SHC2: variants seen among roughly 807,000 people sequenced by gnomAD.
The protein encoded by SHC2 is SHC-transforming protein 2.
SHC2 carries 62 observed loss-of-function variants against 60.6 expected under a neutral mutation model. The ratio of observed to expected loss-of-function variants is 1.02; its 90% confidence interval spans 0.83 to 1.26. The LOEUF (loss-of-function observed/expected upper bound fraction) is 1.26, where lower values mean the gene tolerates loss of function less well. SHC2 is among the 50% of genes most tolerant of loss of function. The probability of loss-of-function intolerance (pLI) is 0.00; values close to 1 mark genes in which losing one functional copy is unlikely to be tolerated. For synonymous variants in SHC2, 375 were observed against 372.4 expected (o/e 1.01, Z -0.08); for missense variants, 873 against 822.2 (o/e 1.06, Z -0.76).
chr19:418,910 G>A lies in SHC2; in HGVS notation c.*5+13C>T, dbSNP rs144604509. 9.6e-4 allele frequency: 1,507 copies of A among 1,577,368 alleles called. 13 individuals are homozygous for A. The African/African-American group carries it at 0.018, about 18-fold the overall frequency. On this transcript the variant is annotated intron_variant, in intron 12 of 12. Transcript: ENST00000264554. ...GGAGGCAAGGCCAGCGACCCACGGCGGCAGCCACACACCTGGCTCAGGGCT... is the reference window on the plus strand; with the variant it reads ...GGAGGCAAGGCCAGCGACCCACGGCAGCAGCCACACACCTGGCTCAGGGCT...
At chr19:457,996 CGGGGAGGCAGAAGAGGGTCTT>C (rs1568300273) in intron 1 of SHC2, among the ~76,000 whole-genome samples, 1 of 144,954 alleles carries the variant, frequency 6.9e-6, no homozygotes, top group Non-Finnish European at 1.5e-5. Context: ...AAGCCGGTCC[CGGGGAGGCAGAAGAGGGTCTT>C]GGGGAGGCGG....
intron 11 of SHC2, chr19:419,379 A>C: frequency 1.1e-5 from 3 of 278,142 alleles, no homozygotes; most frequent in Non-Finnish European, 1.4e-5. Flanking sequence ...TTGGTAGATA[A>C]ACAGGTCAAG....
rs2145689216 is a variant in SHC2 at position 422,316 on chromosome 19, G to A, written c.1450C>T (p.Gln484Ter). The change falls in exon 11 of 13, where the codon CAG (glutamine) becomes TAG (stop). Residue 484 changes from glutamine to a stop codon, truncating the protein, a stop_gained. Coordinates refer to ENST00000264554, the MANE Select transcript of SHC2 (RefSeq NM_012435.3). LOFTEE classifies it high-confidence loss of function. The surrounding 1 kb of genome is among the most constrained non-coding windows in gnomAD (Gnocchi z 5.0). ...PVAPTEEQLR[Q>*]EPWYHGRMSR... ...ATCCGGCCGTGGTACCAGGGCTCCT[G>A]ACGCAGCTGTTCCTCCGTGGGGGCC... 6.2e-7 allele frequency: 1 copy of A among 1,611,386 alleles called. No individual in the cohort carries two copies. The highest frequency in any genetic ancestry group is 8.5e-7 in the Non-Finnish European group (1 of 1,179,344).
chr19:452,221 G>A (rs1328679954), intron 1 of SHC2, among the ~76,000 whole-genome samples: 1 of 146,652 alleles, frequency 6.8e-6, no homozygotes, highest in Non-Finnish European at 1.5e-5. Context: ...TTGAGGTTGG[G>A]GCATCGTACT....
rs375705853 is a variant in SHC2 at position 434,831 on chromosome 19, C to G, written c.988G>C (p.Glu330Gln). ...AGPEESAWGD[E>Q]EDSLEHNYYN... ...TAATTGTGCTCCAAAGAGTCCTCCT[C>G]GTCCCCCCAGGCCGACTCCTCCGGC... Residue 330 changes from glutamate (E) to glutamine (Q), a missense_variant, in exon 8 of 13, where the codon GAG (glutamate) becomes CAG (glutamine). Coordinates refer to ENST00000264554, the MANE Select transcript of SHC2 (RefSeq NM_012435.3). 1 of 1,612,340 alleles carries G rather than the reference C, an allele frequency of 6.2e-7. No individual in the cohort carries two copies. The highest frequency in any genetic ancestry group is 8.5e-7 in the Non-Finnish European group (1 of 1,179,762).
Position 458,536 on chromosome 19 carries a change from TTCGGGTTCCGGGG to T in SHC2, c.468+1980_468+1992del, listed in dbSNP as rs1568300845. Among the ~76,000 whole-genome samples the T allele has an allele frequency of 1.8e-3, 43 of 24,554 alleles. 2 individuals are homozygous for T. Among genetic ancestry groups the T allele is most frequent in the African/African-American group, 7.0e-3 (42 of 6,024 alleles). The allele number at this position is 24,554 out of a possible 152,430, so 16.1% of individuals were successfully genotyped here. On this transcript the variant is annotated intron_variant, in intron 1 of 12. Coordinates refer to ENST00000264554, the MANE Select transcript of SHC2 (RefSeq NM_012435.3). ...CGGAAGCGGGTCCTGGGGAGGCGGA[TTCGGGTTCCGGGG>T]AGGTGGAAGCGGGTCCTGGGGAGGC...
At chr19:430,493 G>A (rs1330871007) in intron 9 of SHC2, among the ~76,000 whole-genome samples, 191 bp downstream of exon 9, 1 of 152,204 alleles carries the variant, frequency 6.6e-6, no homozygotes, top group Non-Finnish European at 1.5e-5. Flanking sequence ...CAACATGCAA[G>A]GAATCTAGTG....
In SHC2 at chr19:419,039, C is replaced by T. The variant is rs765937784; in HGVS notation, c.1638G>A (p.Val546=). 15 of 1,585,184 alleles carry T rather than the reference C, an allele frequency of 9.5e-6. No individual in the cohort carries two copies. Among genetic ancestry groups the T allele is most frequent in the Middle Eastern group, 1.7e-4 (1 of 5,916 alleles). The change falls in exon 12 of 13, where the codon GTG becomes GTA. Residue 546 remains valine, a synonymous_variant. Transcript: ENST00000264554. Reference sequence around the variant, plus strand: ...TCAGGTGGCTGATGCTCTCAAACAGCACGTCCTTCGTCCGTACCTGCGGGA... The same window carrying T: ...TCAGGTGGCTGATGCTCTCAAACAGTACGTCCTTCGTCCGTACCTGCGGGA... The part of the protein sequence containing the change: ...DPEGVVRTKD[V]LFESISHLID...
chr19:447,591 C>T (rs1042782453), intron 1 of SHC2, among the ~76,000 whole-genome samples: 4 of 152,104 alleles, frequency 2.6e-5, no homozygotes, highest in Non-Finnish European at 5.9e-5. Flanking sequence ...CTAGCCTGAC[C>T]AACATGGTGA....
At chr19:436,830 C>T (rs529072996) in intron 4 of SHC2, 147 bp from the exon 5 acceptor site, 33 of 802,584 alleles carry the variant, frequency 4.1e-5, no homozygotes, top group South Asian at 1.0e-4. Context: ...CCACTGCAGC[C>T]GGGTCCTGGG....
At chr19:417,527 A>T (rs1284855974) in intron 12 of SHC2, among the ~76,000 whole-genome samples, 1 of 152,138 alleles carries the variant, frequency 6.6e-6, no homozygotes, top group Non-Finnish European at 1.5e-5. Context: ...CAGTGCCCTA[A>T]CCTCTCTGCT....
chr19:418,463 G>A (rs951370258), intron 12 of SHC2, among the ~76,000 whole-genome samples: 3 of 152,226 alleles, frequency 2.0e-5, no homozygotes, highest in Admixed American at 6.5e-5. Context: ...CAGCCCCAGC[G>A]TCCATCAGCG....
chr19:441,287 C>G lies in SHC2; in HGVS notation c.469-355G>C, dbSNP rs781277469. 6.0e-5 allele frequency: 26 copies of G among 435,452 alleles called. No individual in the cohort carries two copies. The highest frequency in any genetic ancestry group is 4.5e-4 in the Admixed American group (7 of 15,582). 27.0% of individuals were successfully genotyped at this position (435,452 alleles called of 1,614,324 possible). ...AGCGTGGGGATGGTGCGATCCTGAG[C>G]ACTTCCCTATCTCCAGCGCCCAGTT... is the stretch of plus-strand genomic sequence containing the variant. On this transcript the variant is annotated intron_variant, in intron 1 of 12. Coordinates refer to ENST00000264554, the MANE Select transcript of SHC2 (RefSeq NM_012435.3). This position sits in a 1 kb window ranked among gnomAD's most constrained non-coding sequence, Gnocchi z 4.9.
In SHC2 at chr19:440,998, C is replaced by T. The variant is rs1974851778; in HGVS notation, c.469-66G>A. On this transcript the variant is annotated intron_variant, in intron 1 of 12. Transcript: ENST00000264554. This position sits in a 1 kb window ranked among gnomAD's most constrained non-coding sequence, Gnocchi z 7.0. ...CGCAGTGGAGCCACGTCCCTTTTCC[C>T]AGCAGCCCTTCGCCGCCTCCACCAC... The T allele has an allele frequency of 6.4e-7, 1 of 1,562,760 alleles. No individual in the cohort carries two copies. The highest frequency in any genetic ancestry group is 1.4e-5 in the African/African-American group (1 of 73,798).
At chr19:421,430 AAAGAG>A (rs1600270855) in intron 11 of SHC2, among the ~76,000 whole-genome samples, 1 of 138,522 alleles carries the variant, frequency 7.2e-6, no homozygotes, top group East Asian at 2.3e-4. Context: ...AAGAAAAGAA[AAAGAG>A]AGAAAAAAAG....
intron 1 of SHC2, among the ~76,000 whole-genome samples, chr19:459,190 G>A (rs1021709112): frequency 7.8e-5 from 11 of 140,880 alleles, no homozygotes; most frequent in Admixed American, 2.0e-4. Flanking sequence ...TCGGTGTAGG[G>A]GGAAGGACCC....
At position 453,428 on chromosome 19, in the gene SHC2, C is replaced by T. The variant is rs1182944170; in HGVS notation, c.468+7101G>A. Among the ~76,000 whole-genome samples the T allele has an allele frequency of 6.6e-6, 1 of 152,116 alleles. No individual in the cohort carries two copies. The highest frequency in any genetic ancestry group is 1.5e-5 in the Non-Finnish European group (1 of 68,010). ...GGGACCACAGGTGTGCACCACCCTG[C>T]CTGGCTAATGTTTTTTCTTTTTTGG... On this transcript the variant is annotated intron_variant, in intron 1 of 12. Transcript: ENST00000264554. The surrounding 1 kb of genome is among the most constrained non-coding windows in gnomAD (Gnocchi z 6.3).
At chr19:450,669 G>A (rs1424674708) in intron 1 of SHC2, among the ~76,000 whole-genome samples, 2 of 152,150 alleles carry the variant, frequency 1.3e-5, no homozygotes, top group Non-Finnish European at 2.9e-5. Flanking sequence ...TCAGAGCCTC[G>A]TTCCTTTTCT....
At position 452,891 on chromosome 19, in the gene SHC2, C is replaced by T. The variant is rs570027955; in HGVS notation, c.468+7638G>A. On this transcript the variant is annotated intron_variant, in intron 1 of 12. Coordinates refer to ENST00000264554, the MANE Select transcript of SHC2 (RefSeq NM_012435.3). Reference sequence around the variant, plus strand: ...GCATTTGCAACAGGTTCCCAGATGCCGCTGGTCTTTAAGCCAGTTTGGTGG... The same window carrying T: ...GCATTTGCAACAGGTTCCCAGATGCTGCTGGTCTTTAAGCCAGTTTGGTGG... Among the ~76,000 whole-genome samples the T allele has an allele frequency of 2.6e-5, 4 of 152,188 alleles. No homozygotes were observed. The South Asian group carries it at 8.3e-4, about 32-fold the overall frequency.
Sources: allele counts gnomAD v4.1 joint callset (sites outside exome capture counted in the v4.1 genomes callset), GRCh38; gene constraint gnomAD v4.1.1; non-coding constraint Gnocchi (gnomAD v3.1); transcripts MANE v1.5; gene names NCBI Gene and HGNC (gene_info 2026-07-23, HGNC 2026-07-21).